DMD: variants seen among roughly 807,000 people sequenced by gnomAD.
DMD encodes mutant dystrophin.
DMD carries 63 observed loss-of-function variants against 330.1 expected under a neutral mutation model. The ratio of observed to expected loss-of-function variants is 0.19; its 90% CI spans 0.16 to 0.24. The LOEUF (loss-of-function observed/expected upper bound fraction) is 0.24, where lower values mean the gene tolerates loss of function less well. Ranked by LOEUF, DMD falls within the 10% of genes least tolerant of loss-of-function variation. DMD has a pLI of 1.00. For missense variants in DMD, 3,344 were observed against 2,684.1 expected, an observed-to-expected ratio of 1.25 and a Z score of -5.43; for synonymous variants, 1,223 against 959.8, an observed-to-expected ratio of 1.27 and a Z score of -5.07.
intron 13 of DMD, among the ~76,000 whole-genome samples, chrX:32,576,664 A>G (rs1268910940): frequency 1.1e-5 from 1 of 95,085 alleles, no homozygotes; most frequent in African/African-American, 3.9e-5. Context: ...TTTTCATTTA[A>G]TATTTTCTGA....
intron 19 of DMD, among the ~76,000 whole-genome samples, chrX:32,492,250 A>C (rs1430668274): frequency 8.9e-6 from 1 of 111,831 alleles, no homozygotes; most frequent in Non-Finnish European, 1.9e-5. Context: ...AGGCAGGAGA[A>C]TGGCGTGAAC....
chrX:32,650,383 G>A (rs1221742338), intron 9 of DMD, among the ~76,000 whole-genome samples: 1 of 111,445 alleles, frequency 9.0e-6, no homozygotes, highest in East Asian at 2.8e-4. Context: ...TGGAGTCTAA[G>A]TCAATGCATG....
intron 9 of DMD, among the ~76,000 whole-genome samples, chrX:32,680,282 T>G (rs2147309967): frequency 9.0e-6 from 1 of 111,395 alleles, no homozygotes; most frequent in East Asian, 2.8e-4. Flanking sequence ...ACCATGAAAA[T>G]ATTTTTCTAA....
At chrX:32,657,011 A>ATGTGTGTGTGTGTG (rs57052299) in intron 9 of DMD, among the ~76,000 whole-genome samples, 20 of 100,779 alleles carry the variant, frequency 2.0e-4, no homozygotes, top group South Asian at 8.7e-4. Context: ...ACCAACTTAT[A>ATGTGTGTGTGTGTG]TGTGTGTGTG....
intron 47 of DMD, among the ~76,000 whole-genome samples, chrX:31,888,382 C>A (rs963453271): frequency 2.7e-5 from 3 of 111,355 alleles, no homozygotes; most frequent in African/African-American, 9.8e-5. Flanking sequence ...GTCTCCAATG[C>A]CAATATCCCT....
chrX:32,067,989 C>T (rs1346461077), intron 44 of DMD, among the ~76,000 whole-genome samples: 1 of 111,818 alleles, frequency 8.9e-6, no homozygotes, highest in Non-Finnish European at 1.9e-5. Context: ...TATAAGCATC[C>T]CCTTGTCTCT....
At chrX:32,573,895 C>G (rs186987260) in intron 13 of DMD, 49 bp from the exon 14 acceptor site, 13 of 1,062,580 alleles carry the variant, frequency 1.2e-5, no homozygotes, top group South Asian at 1.9e-5. Flanking sequence ...TTGGTAACTA[C>G]GTTTTATTAA....
intron 54 of DMD, among the ~76,000 whole-genome samples, chrX:31,636,190 G>A (rs2079402898): frequency 9.0e-6 from 1 of 110,892 alleles, no homozygotes; most frequent in South Asian, 3.9e-4. Context: ...AAGCCTACTG[G>A]AGTGGGGAGG....
At chrX:32,445,243 C>T (rs1332058639) in intron 27 of DMD, among the ~76,000 whole-genome samples, 5 of 110,649 alleles carry the variant, frequency 4.5e-5, no homozygotes, top group Non-Finnish European at 9.5e-5. Context: ...CTATAGAGAA[C>T]GAGCCAGGTC....
At chrX:32,560,060 A>G (rs2050808926) in intron 16 of DMD, among the ~76,000 whole-genome samples, 1 of 111,035 alleles carries the variant, frequency 9.0e-6, no homozygotes, top group African/African-American at 3.3e-5. Context: ...AATATAGCAA[A>G]ATATTCACAA....
At chrX:33,018,317 G>C (rs767860242) in intron 2 of DMD, among the ~76,000 whole-genome samples, 50 of 111,436 alleles carry the variant, frequency 4.5e-4, no homozygotes, top group Admixed American at 8.7e-4. Context: ...TGAGTTAGAG[G>C]ATGCAAATAT....
intron 1 of DMD, among the ~76,000 whole-genome samples, chrX:33,260,028 T>C (rs1359419378): frequency 9.0e-6 from 1 of 111,132 alleles, no homozygotes; most frequent in African/African-American, 3.3e-5. Flanking sequence ...TATAAATATT[T>C]GCACTCAGGT....
chrX:32,406,916 A>C (rs912072627), intron 30 of DMD, among the ~76,000 whole-genome samples: 17 of 111,431 alleles, frequency 1.5e-4, no homozygotes, highest in Non-Finnish European at 2.8e-4. Flanking sequence ...AAAACTGGCT[A>C]GCCATATGTA....
At chrX:33,263,057 A>G (rs1342004156) in intron 1 of DMD, among the ~76,000 whole-genome samples, 1 of 110,835 alleles carries the variant, frequency 9.0e-6, no homozygotes, top group Non-Finnish European at 1.9e-5. Flanking sequence ...TGGGGGATGC[A>G]TACACTACTG....
At chrX:31,628,291 C>A (rs181349776) in intron 54 of DMD, among the ~76,000 whole-genome samples, 195 of 110,556 alleles carry the variant, frequency 1.8e-3, no homozygotes, top group African/African-American at 6.0e-3. Flanking sequence ...ACCCTAAAAT[C>A]CCTGTACCAT....
intron 44 of DMD, among the ~76,000 whole-genome samples, chrX:32,069,130 G>A (rs930113154): frequency 9.0e-6 from 1 of 111,265 alleles, no homozygotes; most frequent in Non-Finnish European, 1.9e-5. Flanking sequence ...CCTTATATTT[G>A]AAATTCTATT....
At chrX:31,885,075 G>A (rs1308122953) in intron 47 of DMD, among the ~76,000 whole-genome samples, 1 of 110,927 alleles carries the variant, frequency 9.0e-6, no homozygotes, top group African/African-American at 3.3e-5. Flanking sequence ...CATATTTCAG[G>A]TACTTCATGA....
At chrX:31,725,474 T>A (rs766372275) in intron 52 of DMD, among the ~76,000 whole-genome samples, 3 of 111,867 alleles carry the variant, frequency 2.7e-5, no homozygotes, top group African/African-American at 9.7e-5. Flanking sequence ...CCCAATAGAT[T>A]ATAATTAAAA....
chrX:31,465,943 A>T (rs2066826104), intron 59 of DMD, among the ~76,000 whole-genome samples: 1 of 112,341 alleles, frequency 8.9e-6, no homozygotes, highest in African/African-American at 3.2e-5. Context: ...ACCAGTGATG[A>T]TGAGCTTTTT....
Sources: allele counts gnomAD v4.1 joint callset (sites outside exome capture counted in the v4.1 genomes callset), GRCh38; gene constraint gnomAD v4.1.1; transcripts MANE v1.5; gene names NCBI Gene and HGNC (gene_info 2026-07-23, HGNC 2026-07-21).